Variants in GAREM1 observed in about 807,000 individuals in gnomAD.
GAREM1 encodes the protein GRB2-associated and regulator of MAPK protein 1.
A neutral mutation model predicts 71.3 loss-of-function variants in GAREM1; 26 were observed. The observed-to-expected ratio is 0.36, with a 90% CI of 0.27 to 0.51. The LOEUF is 0.51. GAREM1 is among the 20% of genes least tolerant of loss of function. The probability of loss-of-function intolerance (pLI) is 0.95; values close to 1 mark genes in which losing one functional copy is unlikely to be tolerated. For missense variants in GAREM1, 1,026 were observed against 1,103.1 expected (o/e 0.93, Z 0.99); for synonymous variants, 440 against 433.2 (o/e 1.02, Z -0.20).
intron 1 of GAREM1, among the ~76,000 whole-genome samples, 161 bp from the exon 2 acceptor site, chr18:32,393,196 T>A (rs28673368): frequency 0.011 from 1,666 of 144,994 alleles, 13 homozygotes; most frequent in African/African-American, 0.024. Context: ...TTTTTTTTTT[T>A]AAAAAAGGGT....
Position 32,335,170 on chromosome 18 carries a change from A to C in GAREM1, c.263-24847T>G, listed in dbSNP as rs1210647491. Among the ~76,000 whole-genome samples the C allele has an allele frequency of 2.0e-5, 3 of 152,218 alleles. No homozygotes were observed. In the East Asian group the frequency reaches 5.8e-4, roughly 29 times the overall value. On this transcript the variant is annotated intron_variant, in intron 2 of 5. Coordinates refer to ENST00000269209, the MANE Select transcript of GAREM1 (RefSeq NM_001242409.2). ...TCCTCTCTACAGCCTCTAATCTTTT[A>C]TTCAATTGTGGGCATTCTTCTCTCT...
chr18:32,275,867 G>T (rs2041535314), intron 4 of GAREM1, among the ~76,000 whole-genome samples: 1 of 152,060 alleles, frequency 6.6e-6, no homozygotes, highest in Non-Finnish European at 1.5e-5. Context: ...TAGTAGAGAT[G>T]GGGTTTCTCC....
At chr18:32,444,735 T>C (rs368682724) in intron 1 of GAREM1, among the ~76,000 whole-genome samples, 1 of 152,122 alleles carries the variant, frequency 6.6e-6, no homozygotes, top group Non-Finnish European at 1.5e-5. Context: ...CCCCGATGAA[T>C]TAACCTAGTG....
intron 1 of GAREM1, among the ~76,000 whole-genome samples, chr18:32,393,532 T>C (rs555667713): frequency 2.0e-5 from 3 of 152,270 alleles, no homozygotes; most frequent in African/African-American, 4.8e-5. Context: ...GTCAGATAGA[T>C]TGAAAGCTTA....
intron 2 of GAREM1, among the ~76,000 whole-genome samples, chr18:32,368,373 T>C: frequency 6.6e-6 from 1 of 152,336 alleles, no homozygotes; most frequent in Non-Finnish European, 1.5e-5. Flanking sequence ...TGAGTCATAT[T>C]ATTTCACAAC....
chr18:32,274,368 A>C (rs1467248188), intron 4 of GAREM1, among the ~76,000 whole-genome samples: 1 of 152,186 alleles, frequency 6.6e-6, no homozygotes, highest in Non-Finnish European at 1.5e-5. Flanking sequence ...TTTATCTGTC[A>C]ATAAAAGGCA....
chr18:32,444,271 T>C (rs895387322), intron 1 of GAREM1, among the ~76,000 whole-genome samples: 5 of 152,208 alleles, frequency 3.3e-5, no homozygotes, highest in African/African-American at 1.2e-4. Context: ...AGTATGTGAA[T>C]TATTCTTCAA....
intron 2 of GAREM1, among the ~76,000 whole-genome samples, chr18:32,359,466 C>T (rs561086360): frequency 6.6e-6 from 1 of 152,310 alleles, no homozygotes; most frequent in Admixed American, 6.5e-5. Context: ...TTATACTATA[C>T]AGTTCACAGT....
At chr18:32,337,035 C>T (rs111591247) in intron 2 of GAREM1, among the ~76,000 whole-genome samples, 51 of 152,240 alleles carry the variant, frequency 3.3e-4, no homozygotes, top group African/African-American at 1.2e-3. Context: ...TCTGTTTTTG[C>T]TTATTTTATA....
rs113818430 is a variant in GAREM1 at position 32,359,454 on chromosome 18, G to A, written c.262+33441C>T. Among the ~76,000 whole-genome samples, 311 of 152,228 alleles carry A rather than the reference G, an allele frequency of 2.0e-3. 2 individuals carry two copies. Among genetic ancestry groups the A allele is most frequent in the African/African-American group, 7.1e-3 (293 of 41,522 alleles). On this transcript the variant is annotated intron_variant, in intron 2 of 5. Coordinates refer to ENST00000269209, the MANE Select transcript of GAREM1 (RefSeq NM_001242409.2). Reference sequence around the variant, plus strand: ...GTTTGGGGATTATAATAAAAATTCAGTTTATACTATACAGTTCACAGTGGA... The same window carrying A: ...GTTTGGGGATTATAATAAAAATTCAATTTATACTATACAGTTCACAGTGGA...
At chr18:32,361,116 T>G (rs928667364) in intron 2 of GAREM1, among the ~76,000 whole-genome samples, 3 of 152,208 alleles carry the variant, frequency 2.0e-5, no homozygotes, top group African/African-American at 7.2e-5. Flanking sequence ...CTTAGGCAGG[T>G]AGGTGGTTTT....
At chr18:32,368,785 T>A (rs2047950326) in intron 2 of GAREM1, among the ~76,000 whole-genome samples, 1 of 152,206 alleles carries the variant, frequency 6.6e-6, no homozygotes, top group African/African-American at 2.4e-5. Context: ...TGAATGTGGC[T>A]TTTCACAAAC....
rs1267802294 is a variant in GAREM1, at chr18:32,364,014, ATATATATATATATG to A, written c.262+28867_262+28880del. Among the ~76,000 whole-genome samples the A allele has an allele frequency of 2.5e-3, 125 of 50,666 alleles. 9 individuals are homozygous for A. The highest frequency in any genetic ancestry group is 0.012 in the African/African-American group (106 of 8,630). 33.2% of individuals were successfully genotyped at this position (50,666 alleles called of 152,430 possible). A position where few individuals can be genotyped will look rare whatever the true frequency, so the allele number is the denominator to read the frequency against. ...TATATACATATATATATATATATAT[ATATATATATATATG>A]TTTTTTTTTTTTTTTTTTTTTTGTG... On this transcript the variant is annotated intron_variant, in intron 2 of 5. Coordinates refer to ENST00000269209, the MANE Select transcript of GAREM1 (RefSeq NM_001242409.2).
chr18:32,294,651 C>T (rs2047122430), intron 3 of GAREM1, among the ~76,000 whole-genome samples: 1 of 152,174 alleles, frequency 6.6e-6, no homozygotes, highest in Non-Finnish European at 1.5e-5. Flanking sequence ...CCTTCATTAT[C>T]AATCCCTGGA....
At chr18:32,458,421 T>C (rs540587248) in intron 1 of GAREM1, among the ~76,000 whole-genome samples, 50 of 152,216 alleles carry the variant, frequency 3.3e-4, no homozygotes, top group Non-Finnish European at 5.9e-4. Context: ...ACAGTGAACA[T>C]ATCATATCTA....
At chr18:32,372,199 C>T (rs1262585517) in intron 2 of GAREM1, among the ~76,000 whole-genome samples, 1 of 152,166 alleles carries the variant, frequency 6.6e-6, no homozygotes, top group African/African-American at 2.4e-5. Context: ...ACACACAAAG[C>T]AGACAGAAAA....
intron 1 of GAREM1, among the ~76,000 whole-genome samples, chr18:32,420,821 G>A (rs2048513292): frequency 6.6e-6 from 1 of 151,680 alleles, no homozygotes; most frequent in Admixed American, 6.6e-5. Flanking sequence ...TAACTGCATT[G>A]GTTTCATAAA....
intron 2 of GAREM1, among the ~76,000 whole-genome samples, chr18:32,356,684 A>T (rs1386100896): frequency 6.6e-6 from 1 of 152,162 alleles, no homozygotes; most frequent in African/African-American, 2.4e-5. Context: ...TATCACACCA[A>T]TTTTACAAGG....
intron 1 of GAREM1, among the ~76,000 whole-genome samples, chr18:32,436,533 T>C (rs2048680833): frequency 6.6e-6 from 1 of 152,248 alleles, no homozygotes; most frequent in Non-Finnish European, 1.5e-5. Context: ...CTCTGTCTGT[T>C]GCTAAATACC....
Sources: gnomAD v4.1 joint callset for allele counts (sites outside exome capture counted in the v4.1 genomes callset) on GRCh38, gnomAD v4.1.1 for gene constraint, MANE v1.5 for transcripts, NCBI Gene and HGNC (gene_info 2026-07-23, HGNC 2026-07-21) for gene names.